IRGQ: variants seen among roughly 807,000 people sequenced by gnomAD.
IRGQ encodes the protein immunity-related GTPase family Q protein.
A neutral mutation model predicts 10.5 loss-of-function variants in IRGQ; 5 were observed. The observed-to-expected ratio is 0.48, with a 90% CI of 0.25 to 1.00. IRGQ has a LOEUF of 1.00. IRGQ is among the 50% of genes least tolerant of loss of function. The pLI is 0.16. For synonymous variants in IRGQ, 418 were observed against 426.0 expected (o/e 0.98, Z 0.23); for missense variants, 792 against 877.7 (o/e 0.90, Z 1.23).
intron 2 of IRGQ, among the ~76,000 whole-genome samples, chr19:43,594,544 A>G (rs1218716033): frequency 5.3e-5 from 8 of 151,698 alleles, no homozygotes; most frequent in Admixed American, 5.3e-4. Context: ...ACCTGTCTCA[A>G]AAAAAAAGGC....
rs1421747934 is a variant in IRGQ, at chr19:43,595,204, C to T, written c.135G>A (p.Gly45=). Reference sequence around the variant, plus strand: ...GGCCCGCAGCTCTTAGGCTGGGAACCCCGGAGTCCGGCCGTCCCTCGGGGG... The same window carrying T: ...GGCCCGCAGCTCTTAGGCTGGGAACTCCGGAGTCCGGCCGTCCCTCGGGGG... ...LEAPEGRPDS[G]VPSLRAAGPG... is the part of the protein sequence containing the mutation. Residue 45 remains glycine (G), a synonymous_variant, in exon 2 of 3, where the codon GGG becomes GGA. Coordinates refer to ENST00000422989, the MANE Select transcript of IRGQ (RefSeq NM_001007561.3). The T allele has an allele frequency of 1.2e-6, 2 of 1,612,270 alleles. No homozygotes were observed. The highest frequency in any genetic ancestry group is 1.7e-6 in the Non-Finnish European group (2 of 1,179,698).
At position 43,595,327 on chromosome 19, in the gene IRGQ, C is replaced by T. The variant is rs2146101248; in HGVS notation, c.12G>A (p.Pro4=). The T allele has an allele frequency of 6.4e-7, 1 of 1,552,246 alleles. No homozygotes were observed. Among genetic ancestry groups the T allele is most frequent in the Non-Finnish European group, 8.7e-7 (1 of 1,151,492 alleles). Reference sequence around the variant, plus strand: ...GGAACAAGGCGGTCACGTCACCCTGCGGCGGAGGCATGGCTGGAAAGCAAC... The same window carrying T: ...GGAACAAGGCGGTCACGTCACCCTGTGGCGGAGGCATGGCTGGAAAGCAAC... MPP[P]QGDVTALFLG... Residue 4 remains proline (P), a synonymous_variant, in exon 2 of 3, where the codon CCG becomes CCA. Transcript: ENST00000422989.
At position 43,591,908 on chromosome 19, in the gene IRGQ, G is replaced by A. The variant is rs1439838998; in HGVS notation, c.*118C>T. On this transcript the variant is annotated 3_prime_UTR_variant, in exon 3 of 3. Coordinates refer to ENST00000422989, the MANE Select transcript of IRGQ (RefSeq NM_001007561.3). ...TGTCCCCCAGACTCTCTGAATCCAGGTGATAAGAAGTCACACATCCCAGCT... is the reference window on the plus strand; with the variant it reads ...TGTCCCCCAGACTCTCTGAATCCAGATGATAAGAAGTCACACATCCCAGCT... The A allele has an allele frequency of 2.1e-5, 20 of 950,020 alleles. No individual in the cohort carries two copies. Among genetic ancestry groups the A allele is most frequent in the African/African-American group, 6.7e-5 (4 of 59,856 alleles). The allele number at this position is 950,020 out of a possible 1,614,324, so 58.8% of individuals were successfully genotyped here.
In IRGQ at chr19:43,592,242, C is replaced by T. The variant is rs1447925691; in HGVS notation, c.1656G>A (p.Thr552=). ...AARAHFPGPV[T]RAEVEARLGA... is the part of the protein sequence containing the mutation. ...CCAGTCTTGCTTCCACCTCGGCGCG[C>T]GTCACCGGGCCTGGGAAATGAGCGC... The change falls in exon 3 of 3, where the codon ACG becomes ACA. Residue 552 remains threonine, a synonymous_variant. Coordinates refer to ENST00000422989, the MANE Select transcript of IRGQ (RefSeq NM_001007561.3). The T allele has an allele frequency of 3.2e-6, 5 of 1,579,644 alleles. No individual in the cohort carries two copies. Among genetic ancestry groups the T allele is most frequent in the East Asian group, 2.3e-5 (1 of 43,120 alleles).
Position 43,591,872 on chromosome 19 carries a change from A to AAAT in IRGQ, c.*153_*154insATT. 1 of 704,294 alleles carries AAAT rather than the reference A, an allele frequency of 1.4e-6. No homozygotes were observed. Among genetic ancestry groups the AAAT allele is most frequent in the Non-Finnish European group, 2.2e-6 (1 of 463,914 alleles). 43.6% of individuals were successfully genotyped at this position (704,294 alleles called of 1,614,324 possible). A position where few individuals can be genotyped will look rare whatever the true frequency, so the allele number is the denominator to read the frequency against. ...AAAAAAAAGAAAAAAAAAAAAAAAAATCAGGATTCCTGTCCCCCAGACTCT... is the reference window on the plus strand; with the variant it reads ...AAAAAAAAGAAAAAAAAAAAAAAAAAAATTCAGGATTCCTGTCCCCCAGACTCT... On this transcript the variant is annotated 3_prime_UTR_variant, in exon 3 of 3. Transcript: ENST00000422989.
rs1020689328 is a variant in IRGQ at position 43,592,203 on chromosome 19, G to A, written c.1695C>T (p.Gly565=). ...EVEARLGAWA[G]EGTAGGAALG... ...GTGCTGCGCCCCCAGCAGTGCCCTC[G>A]CCCGCCCAGGCGCCCAGTCTTGCTT... Residue 565 remains glycine, a synonymous_variant, in exon 3 of 3, where the codon GGC becomes GGT. Coordinates refer to ENST00000422989, the MANE Select transcript of IRGQ (RefSeq NM_001007561.3). 2 of 1,591,688 alleles carry A rather than the reference G, an allele frequency of 1.3e-6. No homozygotes were observed. Among genetic ancestry groups the A allele is most frequent in the Admixed American group, 1.7e-5 (1 of 58,060 alleles).
rs766759671 is a variant in IRGQ at position 43,592,072 on chromosome 19, C to T, written c.1826G>A (p.Arg609Gln). 2 of 1,612,126 alleles carry T rather than the reference C, an allele frequency of 1.2e-6. No homozygotes were observed. Among genetic ancestry groups the T allele is most frequent in the Non-Finnish European group, 8.5e-7 (1 of 1,179,532 alleles). The change falls in exon 3 of 3, where the codon CGG becomes CAG. Residue 609 changes from arginine (R) to glutamine (Q), a missense_variant. By Grantham distance (43) the Arg-to-Gln change is conservative. Transcript: ENST00000422989. ...GVLLQALDEM[R>Q]ADAEAVLAPP... ...TGCCAGCACAGCCTCAGCATCAGCC[C>T]GCATCTCATCGAGAGCCTGCAGCAG...
intron 2 of IRGQ, 51 bp downstream of exon 2, chr19:43,594,758 T>C: frequency 1.3e-6 from 2 of 1,524,384 alleles, no homozygotes; most frequent in African/African-American, 1.4e-5. Context: ...TGGTCGCACC[T>C]AGGTGCCTAG....
Position 43,592,667 on chromosome 19 carries a change from C to A in IRGQ, c.1231G>T (p.Ala411Ser), listed in dbSNP as rs778117125. ...KKSGGGDSER[A>S]AALSPEDETW... ...TCGTCCTCCGGGCTTAACGCAGCGG[C>A]CCGCTCTGAGTCGCCACCACCTGAT... The change falls in exon 3 of 3, where the codon GCC (alanine) becomes TCC (serine). Residue 411 changes from alanine (A) to serine (S), a missense_variant. Transcript: ENST00000422989. The A allele has an allele frequency of 1.9e-6, 3 of 1,606,210 alleles. No homozygotes were observed. The African/African-American group carries it at 4.0e-5, about 21-fold the overall frequency.
In IRGQ at chr19:43,592,581, G is replaced by A; in HGVS notation, c.1317C>T (p.Leu439=). The change falls in exon 3 of 3, where the codon CTC becomes CTT. Residue 439 remains leucine, a synonymous_variant. Coordinates refer to ENST00000422989, the MANE Select transcript of IRGQ (RefSeq NM_001007561.3). ...PPVFPLRPGG[L]PGLCEWLRRA... ...GCCGCAGCCATTCGCATAGCCCTGG[G>A]AGTCCGCCAGGCCGTAGGGGGAACA... The A allele has an allele frequency of 6.3e-7, 1 of 1,599,848 alleles. No individual in the cohort carries two copies. Among genetic ancestry groups the A allele is most frequent in the Non-Finnish European group, 8.5e-7 (1 of 1,179,740 alleles).
chr19:43,594,368 CA>C (rs1446157877), intron 2 of IRGQ, among the ~76,000 whole-genome samples: 3 of 152,168 alleles, frequency 2.0e-5, no homozygotes, highest in African/African-American at 4.8e-5. Context: ...GGCTTGAGGC[CA>C]AGAGTTCAAG....
In IRGQ at chr19:43,592,960, C is replaced by T. The variant is rs770693673; in HGVS notation, c.938G>A (p.Trp313Ter). 3.7e-6 allele frequency: 6 copies of T among 1,609,428 alleles called. No individual in the cohort carries two copies. The Admixed American group carries it at 8.3e-5, about 22-fold the overall frequency. ...VTPGAPTEKD[W>*]AQVQALLLPD... ...TAGCAGCAAGGCCTGGACCTGGGCC[C>T]AGTCCTTCTCAGTGGGGGCCCCAGG... Residue 313 changes from tryptophan to a stop codon, truncating the protein, a stop_gained, in exon 3 of 3, where the codon TGG (tryptophan) becomes TAG (stop). Coordinates refer to ENST00000422989, the MANE Select transcript of IRGQ (RefSeq NM_001007561.3). LOFTEE classifies it low-confidence loss of function (END_TRUNC).
At position 43,593,174 on chromosome 19, in the gene IRGQ, G is replaced by T; in HGVS notation, c.724C>A (p.Leu242Met). The T allele has an allele frequency of 6.4e-7, 1 of 1,563,226 alleles. No homozygotes were observed. ...GGGTCGCCAGGATCCAATCCAAGCAGCATGTCCACCACAAGGCCCACGTCA... is the reference window on the plus strand; with the variant it reads ...GGGTCGCCAGGATCCAATCCAAGCATCATGTCCACCACAAGGCCCACGTCA... The part of the protein sequence containing the change: ...KADVGLVVDM[L>M]LGLDPGDPGA... Residue 242 changes from leucine to methionine, a missense_variant, in exon 3 of 3, where the codon CTG becomes ATG. Physicochemically the swap from Leu to Met is conservative, Grantham distance 15. Transcript: ENST00000422989. The surrounding 1 kb of genome is among the most constrained non-coding windows in gnomAD (Gnocchi z 6.4).
In IRGQ at chr19:43,593,150, G is replaced by C; in HGVS notation, c.748C>G (p.Pro250Ala). The C allele has an allele frequency of 1.3e-6, 2 of 1,557,006 alleles. No homozygotes were observed. Among genetic ancestry groups the C allele is most frequent in the Middle Eastern group, 1.7e-4 (1 of 5,800 alleles). The change falls in exon 3 of 3, where the codon CCA becomes GCA. Residue 250 changes from proline to alanine, a missense_variant. By Grantham distance (27) the Pro-to-Ala change is conservative. Transcript: ENST00000422989. This position sits in a 1 kb window ranked among gnomAD's most constrained non-coding sequence, Gnocchi z 6.4. ...DMLLGLDPGD[P>A]GAAPASVPTA... ...GGGACCGAAGCAGGCGCAGCGCCTG[G>C]GTCGCCAGGATCCAATCCAAGCAGC...
chr19:43,594,672 GAAAAAA>G, intron 2 of IRGQ, 131 bp downstream of exon 2: 5 of 552,114 alleles, frequency 9.1e-6, no homozygotes, highest in African/African-American at 4.0e-5. Flanking sequence ...TGTCTCTCAG[GAAAAAA>G]AAAAAAATAA....
chr19:43,595,751 G>T (rs1260580820), intron 1 of IRGQ, among the ~76,000 whole-genome samples: 1 of 152,072 alleles, frequency 6.6e-6, no homozygotes, highest in South Asian at 2.1e-4. Flanking sequence ...GGTGGTGTGC[G>T]CCTGTAGCCC....
Position 43,595,116 on chromosome 19 carries a change from C to T in IRGQ, c.223G>A (p.Ala75Thr). 1 of 1,601,628 alleles carries T rather than the reference C, an allele frequency of 6.2e-7. No homozygotes were observed. Among genetic ancestry groups the T allele is most frequent in the East Asian group, 2.3e-5 (1 of 44,340 alleles). ...GGCAGCACCAGTACCAGCACGTTGG[C>T]TTCCGCCGCCCAGGGCCCCGGCGCT... ...PAAPGPWAAE[A>T]NVLVLVLPGP... Residue 75 changes from alanine to threonine, a missense_variant, in exon 2 of 3, where the codon GCC (alanine) becomes ACC (threonine). Coordinates refer to ENST00000422989, the MANE Select transcript of IRGQ (RefSeq NM_001007561.3).
In IRGQ at chr19:43,594,858, G is replaced by A; in HGVS notation, c.481C>T (p.Leu161=). 6.2e-7 allele frequency: 1 copy of A among 1,613,278 alleles called. No individual in the cohort carries two copies. ...NCGSSDGCEE[L]ERLRAALQSQ... ...TGCAGCGCCGCCCGGAGGCGCTCTA[G>A]CTCCTCGCAGCCGTCGCTGCTGCCG... The change falls in exon 2 of 3, where the codon CTA becomes TTA. Residue 161 remains leucine (L), a synonymous_variant. Transcript: ENST00000422989.
At position 43,592,413 on chromosome 19, in the gene IRGQ, T is replaced by TGCC. The variant is rs762426586; in HGVS notation, c.1482_1484dup (p.Ala495dup). 1.6e-5 allele frequency: 25 copies of TGCC among 1,574,968 alleles called. No homozygotes were observed. Among genetic ancestry groups the TGCC allele is most frequent in the South Asian group, 6.8e-5 (6 of 88,678 alleles). On this transcript the variant is annotated inframe_insertion, in exon 3 of 3. Coordinates refer to ENST00000422989, the MANE Select transcript of IRGQ (RefSeq NM_001007561.3). Reference sequence around the variant, plus strand: ...ATGCCCAGCCCAGCCCTGGGAGTGGTGCCGCCGCCGCCGCCAGACTAGCCA... The same window carrying TGCC: ...ATGCCCAGCCCAGCCCTGGGAGTGGTGCCGCCGCCGCCGCCGCCAGACTAGCCA...
Sources: gnomAD v4.1 joint callset for allele counts (sites outside exome capture counted in the v4.1 genomes callset) on GRCh38, gnomAD v4.1.1 for gene constraint, Gnocchi (gnomAD v3.1) non-coding constraint, MANE v1.5 for transcripts, NCBI Gene and HGNC (gene_info 2026-07-23, HGNC 2026-07-21) for gene names.